Variants in PLEKHN1 observed in about 807,000 individuals in gnomAD.
PLEKHN1 encodes the protein pleckstrin homology domain containing N1.
A neutral mutation model predicts 72.8 loss-of-function variants in PLEKHN1; 68 were observed. The observed-to-expected ratio is 0.93, with a 90% CI of 0.77 to 1.14. The LOEUF (loss-of-function observed/expected upper bound fraction) is 1.14. Among genes scored for constraint, PLEKHN1 ranks in the 50% most tolerant of loss-of-function variants. PLEKHN1 has a pLI of 0.00. For missense variants in PLEKHN1, 1,015 were observed against 840.5 expected (o/e 1.21, Z -2.57); for synonymous variants, 454 against 371.6 (o/e 1.22, Z -2.55).
Position 966,574 on chromosome 1 carries a change from C to A in PLEKHN1, c.43C>A (p.Arg15=). 14 of 1,611,022 alleles carry A rather than the reference C, an allele frequency of 8.7e-6. No individual in the cohort carries two copies. The highest frequency in any genetic ancestry group is 1.1e-5 in the Non-Finnish European group (13 of 1,178,720). The change falls in exon 1 of 16, where the codon CGG becomes AGG. Residue 15 remains arginine (R), a synonymous_variant. Coordinates refer to ENST00000379410, the MANE Select transcript of PLEKHN1 (RefSeq NM_032129.3). ...TGTCCCTCAGGCCCCCAGGAGGCTC[C>A]GGGCCTCCTTCTCCAGAAAGCCCTC... ...HCVPQAPRRL[R]ASFSRKPSLK... is the part of the protein sequence containing the mutation.
At chr1:974,223 G>A (rs1477002825) in intron 14 of PLEKHN1, 93 bp from the exon 15 acceptor site, 15 of 1,579,146 alleles carry the variant, frequency 9.5e-6, no homozygotes, top group Non-Finnish European at 1.3e-5. Flanking sequence ...AGGGAGAGCA[G>A]GGGGACATGG....
At chr1:974,119 C>G in intron 14 of PLEKHN1, 68 bp downstream of exon 14, 6 of 1,503,534 alleles carry the variant, frequency 4.0e-6, no homozygotes, top group Non-Finnish European at 5.4e-6. Flanking sequence ...TGTGGGGCCT[C>G]TTGGGACTCT....
chr1:970,561 T>C lies in PLEKHN1; in HGVS notation c.371T>C (p.Leu124Pro). The C allele has an allele frequency of 6.2e-7, 1 of 1,613,046 alleles. No homozygotes were observed. Among genetic ancestry groups the C allele is most frequent in the South Asian group, 1.1e-5 (1 of 91,044 alleles). Residue 124 changes from leucine (L) to proline (P), a missense_variant, in exon 4 of 16, where the codon CTG becomes CCG. Leu to Pro is a moderately conservative substitution (Grantham distance 98, BLOSUM62 -3). Coordinates refer to ENST00000379410, the MANE Select transcript of PLEKHN1 (RefSeq NM_032129.3). The surrounding 1 kb of genome is among the most constrained non-coding windows in gnomAD (Gnocchi z 4.2). Reference protein sequence around the residue: ...DCYLELFPAHLYFQAHGSEGL... With the variant: ...DCYLELFPAHPYFQAHGSEGL... ...TACCTGGAGCTATTCCCCGCCCACC[T>C]GTACTTCCAGGCCCACGGCTCGGAA...
chr1:970,494 G>T lies in PLEKHN1; in HGVS notation c.331-27G>T, dbSNP rs760293529. ...ATCAGCCTGGGGCTCCCCAGACTCC[G>T]CACTGACGACCCTGCTCCCCGCGCA... On this transcript the variant is annotated intron_variant, in intron 3 of 15. Transcript: ENST00000379410. This position sits in a 1 kb window ranked among gnomAD's most constrained non-coding sequence, Gnocchi z 4.2. The T allele has an allele frequency of 1.2e-6, 2 of 1,613,062 alleles. No homozygotes were observed. The highest frequency in any genetic ancestry group is 1.1e-5 in the South Asian group (1 of 91,086).
rs779262033 is a variant in PLEKHN1 at position 974,449 on chromosome 1, G to A, written c.1710G>A (p.Arg570=). 2 of 1,612,712 alleles carry A rather than the reference G, an allele frequency of 1.2e-6. No homozygotes were observed. The highest frequency in any genetic ancestry group is 1.7e-5 in the Admixed American group (1 of 60,002). ...CTCTGCCTTCCCTACCAGATGGTCG[G>A]TCCCCCAGGAGGAGCCGGGACCCCG... ...PEPWLPLTDG[R]SPRRSRDPGY... The change falls in exon 16 of 16, where the codon CGG becomes CGA. Residue 570 remains arginine, a synonymous_variant. Transcript: ENST00000379410.
At position 966,797 on chromosome 1, in the gene PLEKHN1, G is replaced by T. The variant is rs565222190; in HGVS notation, c.177G>T (p.Pro59=). ...AAANKLFHYI[P]GTDILDLENQ... is the part of the protein sequence containing the mutation. ...CCAACAAGCTCTTCCACTACATCCC[G>T]GGCACGGTGAGCGCGGCGTGCACGG... Residue 59 remains proline, a synonymous_variant, in exon 2 of 16, where the codon CCG becomes CCT. Coordinates refer to ENST00000379410, the MANE Select transcript of PLEKHN1 (RefSeq NM_032129.3). 1.6e-4 allele frequency: 254 copies of T among 1,562,248 alleles called. 3 individuals are homozygous for T. The South Asian group carries it at 2.9e-3, about 18-fold the overall frequency.
chr1:975,137 A>AAGAAGAGAAGAGAGAAG lies in PLEKHN1; in HGVS notation c.*573_*589dup, dbSNP rs1643548530. 6.6e-6 allele frequency: 1 copy of AAGAAGAGAAGAGAGAAG among 152,048 alleles called. No individual in the cohort carries two copies. Among genetic ancestry groups the AAGAAGAGAAGAGAGAAG allele is most frequent in the Non-Finnish European group, 1.5e-5 (1 of 68,378 alleles). 9.4% of individuals were successfully genotyped at this position (152,048 alleles called of 1,614,324 possible). A position where few individuals can be genotyped will look rare whatever the true frequency, so the allele number is the denominator to read the frequency against. On this transcript the variant is annotated 3_prime_UTR_variant, in exon 16 of 16. Coordinates refer to ENST00000379410, the MANE Select transcript of PLEKHN1 (RefSeq NM_032129.3). ...AGAAGAGAGAGAGGAGAAGAGAGAA[A>AAGAAGAGAAGAGAGAAG]AGAAGAGAAGAGAGAAGAGAAGAGA...
Position 975,493 on chromosome 1 carries a change from C to T in PLEKHN1, c.*918C>T, listed in dbSNP as rs1045195906. 6.6e-6 allele frequency: 1 copy of T among 152,352 alleles called. No homozygotes were observed. The highest frequency in any genetic ancestry group is 2.4e-5 in the African/African-American group (1 of 41,460). 9.4% of individuals were successfully genotyped at this position (152,352 alleles called of 1,614,324 possible). On this transcript the variant is annotated 3_prime_UTR_variant, in exon 16 of 16. Transcript: ENST00000379410. ...AGGGCTCCCGGGGAGGGGCTCGCGG[C>T]TCTGCCACAGACCCCCACCCTGCAG...
chr1:966,687 C>A lies in PLEKHN1; in HGVS notation c.84-17C>A. On this transcript the variant is annotated splice_polypyrimidine_tract_variant and intron_variant, in intron 1 of 15. Transcript: ENST00000379410. ...CGCTCCGGGGCCAAGCCACGAGACC[C>A]CTTGCCTTGTCCCCAGAGAGGACAG... The A allele has an allele frequency of 6.3e-7, 1 of 1,579,758 alleles. No homozygotes were observed. The highest frequency in any genetic ancestry group is 8.6e-7 in the Non-Finnish European group (1 of 1,162,356).
chr1:973,701 G>A, intron 13 of PLEKHN1, 61 bp downstream of exon 13: 1 of 1,590,164 alleles, frequency 6.3e-7, no homozygotes, highest in East Asian at 2.2e-5. Context: ...GGCTGGGGAG[G>A]TCTAGACCGT....
chr1:970,386 A>T lies in PLEKHN1; in HGVS notation c.293A>T (p.His98Leu). Residue 98 changes from histidine to leucine, a missense_variant, in exon 3 of 16, where the codon CAT (histidine) becomes CTT (leucine). Coordinates refer to ENST00000379410, the MANE Select transcript of PLEKHN1 (RefSeq NM_032129.3). This position sits in a 1 kb window ranked among gnomAD's most constrained non-coding sequence, Gnocchi z 4.2. ...VPVRNLGKVV[H>L]YAKVQLRFQH... ...GTGAGGAACCTGGGAAAAGTTGTGC[A>T]TTACGCCAAGGTCCAGCTGCGGTTC... is the stretch of plus-strand genomic sequence containing the variant. 6.2e-7 allele frequency: 1 copy of T among 1,613,486 alleles called. No homozygotes were observed. The highest frequency in any genetic ancestry group is 8.5e-7 in the Non-Finnish European group (1 of 1,179,926).
At position 975,107 on chromosome 1, in the gene PLEKHN1, AAG is replaced by A. The variant is rs545009867; in HGVS notation, c.*538_*539del. 14 of 153,332 alleles carry A rather than the reference AAG, an allele frequency of 9.1e-5. No homozygotes were observed. Among genetic ancestry groups the A allele is most frequent in the African/African-American group, 2.7e-4 (11 of 41,450 alleles). 9.5% of individuals were successfully genotyped at this position (153,332 alleles called of 1,614,324 possible). A position where few individuals can be genotyped will look rare whatever the true frequency, so the allele number is the denominator to read the frequency against. ...TGACACCACCGGACGAGAAAGAAAA[AAG>A]AGAGAAGAGAGAGAGGAGAAGAGAG... is the stretch of plus-strand genomic sequence containing the variant. On this transcript the variant is annotated 3_prime_UTR_variant, in exon 16 of 16. Coordinates refer to ENST00000379410, the MANE Select transcript of PLEKHN1 (RefSeq NM_032129.3).
In PLEKHN1 at chr1:968,278, G is replaced by A. The variant is rs554788729; in HGVS notation, c.183+1475G>A. 7.2e-5 allele frequency among the ~76,000 whole-genome samples: 11 copies of A among 152,380 alleles called. No individual in the cohort carries two copies. In the South Asian group the frequency reaches 1.9e-3, roughly 26 times the overall value. ...GGCAGCTAAGCTTGGCCAGGGCACA[G>A]CAGCTCTGCAGGTAGCTCTCGCCAG... On this transcript the variant is annotated intron_variant, in intron 2 of 15. Transcript: ENST00000379410.
chr1:966,652 C>T, intron 1 of PLEKHN1, 38 bp downstream of exon 1: 1 of 1,590,976 alleles, frequency 6.3e-7, no homozygotes. Flanking sequence ...GGGCGCAGGG[C>T]TCCCCCACCC....
At position 974,704 on chromosome 1, in the gene PLEKHN1, G is replaced by A; in HGVS notation, c.*129G>A. 1.7e-6 allele frequency: 2 copies of A among 1,179,334 alleles called. No homozygotes were observed. Among genetic ancestry groups the A allele is most frequent in the Non-Finnish European group, 2.3e-6 (2 of 868,342 alleles). 73.1% of individuals were successfully genotyped at this position (1,179,334 alleles called of 1,614,324 possible). A position where few individuals can be genotyped will look rare whatever the true frequency, so the allele number is the denominator to read the frequency against. ...ATGGGGGGAGTCTCTGGGGCCCTGA[G>A]TTCAGAGCCCGTCCCTCAGCTCCTG... is the stretch of plus-strand genomic sequence containing the variant. On this transcript the variant is annotated 3_prime_UTR_variant, in exon 16 of 16. Transcript: ENST00000379410.
chr1:966,902 C>T (rs755809344), intron 2 of PLEKHN1, 99 bp downstream of exon 2: 38 of 1,327,574 alleles, frequency 2.9e-5, no homozygotes, highest in East Asian at 5.2e-5. Flanking sequence ...CCCTCGCCCC[C>T]GGGGCGTTCA....
intron 14 of PLEKHN1, 21 bp downstream of exon 14, chr1:974,072 C>T (rs768417022): frequency 4.5e-6 from 7 of 1,556,220 alleles, no homozygotes; most frequent in African/African-American, 4.1e-5. Context: ...GCCCCCACGC[C>T]CGTGTGCCCC....
In PLEKHN1 at chr1:972,853, C is replaced by A; in HGVS notation, c.1003-8C>A. 1 of 1,541,830 alleles carries A rather than the reference C, an allele frequency of 6.5e-7. No homozygotes were observed. Among genetic ancestry groups the A allele is most frequent in the East Asian group, 2.4e-5 (1 of 41,030 alleles). ...GCCCTCACTCACCCCCACTCACTGC[C>A]CATCCAGGTTATGGGCAGTGGCCGA... On this transcript the variant is annotated splice_region_variant and splice_polypyrimidine_tract_variant and intron_variant, in intron 10 of 15. Coordinates refer to ENST00000379410, the MANE Select transcript of PLEKHN1 (RefSeq NM_032129.3).
chr1:966,634 G>A lies in PLEKHN1; in HGVS notation c.83+20G>A, dbSNP rs781225167. On this transcript the variant is annotated intron_variant, in intron 1 of 15. Coordinates refer to ENST00000379410, the MANE Select transcript of PLEKHN1 (RefSeq NM_032129.3). ...AAACAGGTGAGCGGGGCGTGGGTGC[G>A]GCCACCTGGGCGCAGGGCTCCCCCA... 5.6e-6 allele frequency: 9 copies of A among 1,600,976 alleles called. No homozygotes were observed. Among genetic ancestry groups the A allele is most frequent in the Admixed American group, 5.1e-5 (3 of 59,044 alleles).
Sources: allele counts gnomAD v4.1 joint callset (sites outside exome capture counted in the v4.1 genomes callset), GRCh38; gene constraint gnomAD v4.1.1; non-coding constraint Gnocchi (gnomAD v3.1); transcripts MANE v1.5; gene names NCBI Gene and HGNC (gene_info 2026-07-23, HGNC 2026-07-21).